The following LRRC47 variants were observed in gnomAD, a reference collection of about 807,000 sequenced individuals.
LRRC47 encodes leucine-rich repeat-containing protein 47.
Under a neutral mutation model 40.9 loss-of-function variants are expected in LRRC47, and 31 were observed. The observed-to-expected ratio is 0.76, with a 90% CI of 0.57 to 1.02. The LOEUF (loss-of-function observed/expected upper bound fraction) is 1.02, where lower values mean the gene tolerates loss of function less well. Among genes scored for constraint, LRRC47 ranks in the 50% least tolerant of loss-of-function variants. LRRC47 has a pLI of 0.00. For missense variants in LRRC47, 726 were observed against 796.1 expected, an observed-to-expected ratio of 0.91 and a Z score of 1.06; for synonymous variants, 427 against 371.9, an observed-to-expected ratio of 1.15 and a Z score of -1.70.
chr1:3,782,546 G>A (rs1643530548), intron 5 of LRRC47, 115 bp downstream of exon 5: 10 of 694,074 alleles, frequency 1.4e-5, no homozygotes, highest in Non-Finnish European at 2.1e-5. Flanking sequence ...CGCCCACCTC[G>A]GTCTCCCAAA....
At chr1:3,791,266 G>A (rs1352759198) in intron 1 of LRRC47, among the ~76,000 whole-genome samples, 1 of 152,222 alleles carries the variant, frequency 6.6e-6, no homozygotes, top group African/African-American at 2.4e-5. Context: ...TTTAAGCCTC[G>A]TGGTTTCGGA....
rs781390552 is a variant in LRRC47, at chr1:3,796,488, T to C, written c.-12A>G. The C allele has an allele frequency of 2.7e-6, 4 of 1,502,242 alleles. No individual in the cohort carries two copies. Among genetic ancestry groups the C allele is most frequent in the South Asian group, 1.2e-5 (1 of 80,730 alleles). 93.1% of individuals were successfully genotyped at this position (1,502,242 alleles called of 1,614,324 possible). ...GCTGCCGCCGCCATGGCGCCTCAGC[T>C]GCTGGCAGGCACCCACCCACCAGGG... On this transcript the variant is annotated 5_prime_UTR_variant, in exon 1 of 7. Transcript: ENST00000378251.
chr1:3,781,058 C>A lies in LRRC47; in HGVS notation c.*30G>T. On this transcript the variant is annotated 3_prime_UTR_variant, in exon 7 of 7. Transcript: ENST00000378251. ...CGCATAGAAACCTCCGCAAAACCGG[C>A]CAAACAAACGCGGACAGGCGGCCCT... 3 of 1,598,484 alleles carry A rather than the reference C, an allele frequency of 1.9e-6. No individual in the cohort carries two copies. Among genetic ancestry groups the A allele is most frequent in the East Asian group, 2.2e-5 (1 of 44,490 alleles).
intron 1 of LRRC47, among the ~76,000 whole-genome samples, chr1:3,790,975 GA>G (rs138135934): frequency 3.7e-4 from 57 of 152,360 alleles, no homozygotes; most frequent in African/African-American, 1.4e-3. Flanking sequence ...TTAACCCACG[GA>G]ACGCAGGAAA....
intron 1 of LRRC47, among the ~76,000 whole-genome samples, chr1:3,793,873 C>T (rs769524875): frequency 6.6e-6 from 1 of 152,218 alleles, no homozygotes; most frequent in African/African-American, 2.4e-5. Flanking sequence ...TGAAAAACCC[C>T]GCCTCCAAAT....
intron 1 of LRRC47, among the ~76,000 whole-genome samples, chr1:3,792,461 A>C (rs1194882796): frequency 5.2e-5 from 4 of 77,420 alleles, no homozygotes; most frequent in Admixed American, 1.1e-4. Context: ...AGCTGGACGC[A>C]CACTTTTTTT....
chr1:3,783,886 TG>T, intron 4 of LRRC47, 109 bp downstream of exon 4: 1 of 809,504 alleles, frequency 1.2e-6, no homozygotes, highest in Non-Finnish European at 2.0e-6. Context: ...AAGAAGCTTC[TG>T]GGTTCTGGTA....
rs373817180 is a variant in LRRC47 at position 3,786,838 on chromosome 1, C to A, written c.1077+11G>T. On this transcript the variant is annotated intron_variant, in intron 2 of 6. Transcript: ENST00000378251. The stretch of plus-strand genomic sequence containing the variant: ...TGTCCCAGTCATCTGAGGACCCCCA[C>A]GGGCACCCACCTGCGAGGTGAGGAA... 1.9e-6 allele frequency: 3 copies of A among 1,571,260 alleles called. No individual in the cohort carries two copies. The highest frequency in any genetic ancestry group is 1.7e-6 in the Non-Finnish European group (2 of 1,156,802).
At position 3,786,866 on chromosome 1, in the gene LRRC47, G is replaced by C; in HGVS notation, c.1060C>G (p.Arg354Gly). 1 of 1,597,428 alleles carries C rather than the reference G, an allele frequency of 6.3e-7. No individual in the cohort carries two copies. The highest frequency in any genetic ancestry group is 8.5e-7 in the Non-Finnish European group (1 of 1,171,316). ...GCACCCACCTGCGAGGTGAGGAAGCGCTTGAGTGCATTCCCTGGCTGCAGG... is the reference window on the plus strand; with the variant it reads ...GCACCCACCTGCGAGGTGAGGAAGCCCTTGAGTGCATTCCCTGGCTGCAGG... ...MDLQPGNALK[R>G]FLTSQTKLHE... The change falls in exon 2 of 7, where the codon CGC becomes GGC. Residue 354 changes from arginine to glycine, a missense_variant. By Grantham distance (125) the Arg-to-Gly change is moderately radical. Coordinates refer to ENST00000378251, the MANE Select transcript of LRRC47 (RefSeq NM_020710.3).
At chr1:3,791,763 CCTTT>C (rs1421239842) in intron 1 of LRRC47, among the ~76,000 whole-genome samples, 1 of 149,362 alleles carries the variant, frequency 6.7e-6, no homozygotes, top group Non-Finnish European at 1.5e-5. Context: ...GCCTCTCTCT[CCTTT>C]CTTTAAGACA....
chr1:3,783,794 C>T, intron 4 of LRRC47: 1 of 578,922 alleles, frequency 1.7e-6, no homozygotes, highest in South Asian at 2.2e-5. Context: ...CCTTCCACTT[C>T]CCTCACGTCA....
intron 1 of LRRC47, among the ~76,000 whole-genome samples, chr1:3,792,001 G>A (rs1313293193): frequency 1.3e-5 from 2 of 152,160 alleles, no homozygotes; most frequent in African/African-American, 2.4e-5. Flanking sequence ...TGATCCGCCC[G>A]CCTCAGCCTC....
rs1268512762 is a variant in LRRC47, at chr1:3,780,786, G to A, written c.*302C>T. The A allele has an allele frequency of 8.5e-6, 3 of 353,408 alleles. No individual in the cohort carries two copies. The highest frequency in any genetic ancestry group is 6.3e-5 in the African/African-American group (3 of 47,386). The allele number at this position is 353,408 out of a possible 1,614,324, so 21.9% of individuals were successfully genotyped here. ...AGGTCAAGAGATCAAGACCATCCTG[G>A]TCAAAATGGTGAAACCCCGTCTCTA... On this transcript the variant is annotated 3_prime_UTR_variant, in exon 7 of 7. Coordinates refer to ENST00000378251, the MANE Select transcript of LRRC47 (RefSeq NM_020710.3).
In LRRC47 at chr1:3,796,435, C is replaced by T. The variant is rs765443452; in HGVS notation, c.42G>A (p.Glu14=). 3 of 1,522,012 alleles carry T rather than the reference C, an allele frequency of 2.0e-6. No individual in the cohort carries two copies. Among genetic ancestry groups the T allele is most frequent in the South Asian group, 1.2e-5 (1 of 83,222 alleles). 94.3% of individuals were successfully genotyped at this position (1,522,012 alleles called of 1,614,324 possible). ...AAVSESWPEL[E]LAERERRREL... ...CCCGCCGCCGCTCGCGCTCAGCCAG[C>T]TCCAGCTCCGGCCAAGACTCTGACA... is the stretch of plus-strand genomic sequence containing the variant. The change falls in exon 1 of 7, where the codon GAG becomes GAA. Residue 14 remains glutamate (E), a synonymous_variant. Coordinates refer to ENST00000378251, the MANE Select transcript of LRRC47 (RefSeq NM_020710.3).
At position 3,796,495 on chromosome 1, in the gene LRRC47, AG is replaced by A; in HGVS notation, c.-20del. Reference sequence around the variant, plus strand: ...CCGCCATGGCGCCTCAGCTGCTGGCAGGCACCCACCCACCAGGGTGCTTCCG... The same window carrying A: ...CCGCCATGGCGCCTCAGCTGCTGGCAGCACCCACCCACCAGGGTGCTTCCG... On this transcript the variant is annotated 5_prime_UTR_variant, in exon 1 of 7. Coordinates refer to ENST00000378251, the MANE Select transcript of LRRC47 (RefSeq NM_020710.3). The A allele has an allele frequency of 6.7e-7, 1 of 1,495,650 alleles. No individual in the cohort carries two copies. Among genetic ancestry groups the A allele is most frequent in the Non-Finnish European group, 8.8e-7 (1 of 1,131,610 alleles). 92.6% of individuals were successfully genotyped at this position (1,495,650 alleles called of 1,614,324 possible). A position where few individuals can be genotyped will look rare whatever the true frequency, so the allele number is the denominator to read the frequency against.
chr1:3,795,799 G>C, intron 1 of LRRC47, 63 bp downstream of exon 1: 1 of 1,448,980 alleles, frequency 6.9e-7, no homozygotes, highest in Non-Finnish European at 9.0e-7. Flanking sequence ...GCCCCGAGAG[G>C]GGTTCCTTCT....
In LRRC47 at chr1:3,796,147, C is replaced by A. The variant is rs1307381595; in HGVS notation, c.330G>T (p.Ala110=). ...ALRVLDLSGN[A]LEALPPGQGL... is the part of the protein sequence containing the mutation. The stretch of plus-strand genomic sequence containing the variant: ...CTTGGCCCGGCGGCAGCGCCTCCAG[C>A]GCGTTGCCCGACAGGTCGAGCACCC... Residue 110 remains alanine, a synonymous_variant, in exon 1 of 7, where the codon GCG becomes GCT. Transcript: ENST00000378251. 2.1e-6 allele frequency: 3 copies of A among 1,436,910 alleles called. No homozygotes were observed. The Admixed American group carries it at 8.5e-5, about 41-fold the overall frequency. 89.0% of individuals were successfully genotyped at this position (1,436,910 alleles called of 1,614,324 possible).
At chr1:3,787,420 C>CCTGT in intron 1 of LRRC47, 110 bp from the exon 2 acceptor site, 1 of 1,109,684 alleles carries the variant, frequency 9.0e-7, no homozygotes, top group Non-Finnish European at 1.3e-6. Flanking sequence ...CCACCACTGG[C>CCTGT]CTGTCTGTGG....
intron 1 of LRRC47, among the ~76,000 whole-genome samples, chr1:3,794,946 C>A (rs531484674): frequency 2.7e-5 from 4 of 148,274 alleles, no homozygotes; most frequent in Non-Finnish European, 4.4e-5. Flanking sequence ...CCCAGCTACT[C>A]AGGAGGCTGA....
Sources: gnomAD v4.1 joint callset for allele counts (sites outside exome capture counted in the v4.1 genomes callset) on GRCh38, gnomAD v4.1.1 for gene constraint, MANE v1.5 for transcripts, NCBI Gene and HGNC (gene_info 2026-07-23, HGNC 2026-07-21) for gene names.